HDAC9: variants seen among roughly 807,000 people sequenced by gnomAD.
HDAC9 encodes MEF-2 interacting transcription repressor (MITR) protein.
In HDAC9, 41 loss-of-function variants were observed where a neutral mutation model predicts 139.4. The ratio of observed to expected loss-of-function variants is 0.29; its 90% confidence interval spans 0.23 to 0.38. The LOEUF (loss-of-function observed/expected upper bound fraction) is 0.38. Among genes scored for constraint, HDAC9 ranks in the 10% least tolerant of loss-of-function variants. HDAC9 has a pLI of 1.00. For missense variants in HDAC9, 1,147 were observed against 1,297.0 expected, an observed-to-expected ratio of 0.88 and a Z score of 1.78; for synonymous variants, 517 against 476.2, an observed-to-expected ratio of 1.09 and a Z score of -1.12.
intron 11 of HDAC9, among the ~76,000 whole-genome samples, chr7:18,663,416 A>G (rs1584752064): frequency 3.3e-5 from 5 of 152,016 alleles, no homozygotes; most frequent in African/African-American, 1.2e-4. Context: ...GTAGTGTCAG[A>G]CATCCAGAAG....
At chr7:18,402,884 T>TA (rs1562954902) in intron 1 of HDAC9, among the ~76,000 whole-genome samples, 1 of 152,014 alleles carries the variant, frequency 6.6e-6, no homozygotes, top group African/African-American at 2.4e-5. Flanking sequence ...ATAGCAAATC[T>TA]AAAAAAAATC....
chr7:18,500,838 A>C (rs2188495), intron 2 of HDAC9, among the ~76,000 whole-genome samples: 28,906 of 151,978 alleles, frequency 0.19, 3,497 homozygotes, highest in Non-Finnish European at 0.25. Context: ...CATAAATTTT[A>C]TATTAAAAAA....
intron 25 of HDAC9, among the ~76,000 whole-genome samples, chr7:18,984,913 G>T (rs1226306363): frequency 6.6e-6 from 1 of 152,122 alleles, no homozygotes; most frequent in African/African-American, 2.4e-5. Flanking sequence ...TTGTGTGTGT[G>T]TGTATACATA....
chr7:18,670,924 C>T (rs544680616), intron 12 of HDAC9, among the ~76,000 whole-genome samples: 1 of 151,308 alleles, frequency 6.6e-6, no homozygotes, highest in African/African-American at 2.4e-5. Context: ...TAATCCTGCA[C>T]ACATTTTATT....
chr7:18,884,541 C>T (rs1010434912), intron 22 of HDAC9, among the ~76,000 whole-genome samples: 2 of 152,052 alleles, frequency 1.3e-5, no homozygotes, highest in Non-Finnish European at 2.9e-5. Context: ...TAAAAAAAAT[C>T]AACTCAAAAT....
rs1017509133 is a variant in HDAC9, at chr7:18,312,480, C to T, written c.-42+21965C>T. ...TGGAAGTGCCTTGTGCCTCCTTTTT[C>T]ACTGCTACATAGTAGTTCATTGTGT... On this transcript the variant is annotated intron_variant, in intron 1 of 3. Coordinates refer to the HDAC9 transcript ENST00000413509. Among the ~76,000 whole-genome samples, 5 of 152,118 alleles carry T rather than the reference C, an allele frequency of 3.3e-5. No individual in the cohort carries two copies. In the East Asian group the frequency reaches 9.6e-4, roughly 29 times the overall value.
intron 21 of HDAC9, among the ~76,000 whole-genome samples, chr7:18,859,333 C>A (rs955013066): frequency 1.3e-5 from 2 of 152,050 alleles, no homozygotes; most frequent in Non-Finnish European, 2.9e-5. Flanking sequence ...ATCCTACTCT[C>A]CTGTTATTTT....
chr7:18,658,280 A>G (rs1032290238), intron 11 of HDAC9, among the ~76,000 whole-genome samples: 2 of 152,154 alleles, frequency 1.3e-5, no homozygotes, highest in African/African-American at 4.8e-5. Context: ...AACGCTCAAT[A>G]AAAAATTATT....
intron 1 of HDAC9, among the ~76,000 whole-genome samples, chr7:18,361,407 T>C (rs1783767128): frequency 6.6e-6 from 1 of 152,182 alleles, no homozygotes; most frequent in Non-Finnish European, 1.5e-5. Flanking sequence ...AAACATCTAA[T>C]CTATTGCATG....
intron 1 of HDAC9, among the ~76,000 whole-genome samples, chr7:18,313,618 T>C (rs1585127486): frequency 6.6e-6 from 1 of 152,204 alleles, no homozygotes; most frequent in Non-Finnish European, 1.5e-5. Context: ...TTTTAATATA[T>C]GCAAATGCTT....
chr7:18,629,773 C>T lies in HDAC9; in HGVS notation c.796+292C>T, dbSNP rs568905485. Among the ~76,000 whole-genome samples the T allele has an allele frequency of 7.9e-5, 12 of 152,156 alleles. No individual in the cohort carries two copies. In the South Asian group the frequency reaches 1.5e-3, roughly 18 times the overall value. ...GAACAGGCAGTCCATTTTGGGAATG[C>T]CAACCAGGAGAATATAATTTTTAAT... On this transcript the variant is annotated intron_variant, in intron 7 of 25. Coordinates refer to ENST00000686413, the MANE Select transcript of HDAC9 (RefSeq NM_178425.4).
intron 1 of HDAC9, among the ~76,000 whole-genome samples, chr7:18,317,398 G>A (rs570087709): frequency 7.9e-5 from 12 of 152,138 alleles, no homozygotes; most frequent in South Asian, 4.1e-4. Flanking sequence ...TCTTGAGGGC[G>A]TTGCTCTTAA....
At chr7:18,268,050 T>G (rs1796109795) in intron 2 of HDAC9, among the ~76,000 whole-genome samples, 1 of 152,176 alleles carries the variant, frequency 6.6e-6, no homozygotes, top group African/African-American at 2.4e-5. Context: ...TTGGTGCTAC[T>G]CAGTTATTGG....
intron 14 of HDAC9, among the ~76,000 whole-genome samples, chr7:18,753,887 C>G (rs937000778): frequency 1.3e-5 from 2 of 152,036 alleles, no homozygotes; most frequent in Non-Finnish European, 2.9e-5. Flanking sequence ...CTGTCTGACA[C>G]TAGAAGTGTT....
At chr7:18,987,288 T>A (rs2129346178) in intron 25 of HDAC9, among the ~76,000 whole-genome samples, 1 of 152,356 alleles carries the variant, frequency 6.6e-6, no homozygotes, top group Non-Finnish European at 1.5e-5. Context: ...GGTTGTTGAA[T>A]TTTGTCAGAG....
chr7:18,220,098 G>A (rs1199070800), intron 2 of HDAC9, among the ~76,000 whole-genome samples: 2 of 152,176 alleles, frequency 1.3e-5, no homozygotes, highest in African/African-American at 4.8e-5. Flanking sequence ...CTATGGAAAT[G>A]TGTACTATTC....
Position 18,149,662 on chromosome 7 carries a change from C to T in HDAC9, c.-96-12567C>T, listed in dbSNP as rs551221002. ...GCCTCCCGGGTTCACGCCATTCTCC[C>T]GCCTCAGCCTCCCAAGTAGCTGGGA... On this transcript the variant is annotated intron_variant, in intron 1 of 12. Transcript: ENST00000417496. Among the ~76,000 whole-genome samples the T allele has an allele frequency of 1.6e-4, 24 of 152,004 alleles. No homozygotes were observed. The South Asian group carries it at 3.7e-3, about 24-fold the overall frequency.
At chr7:18,273,055 C>CTTTTTTTTTTTTTTTTTTTTTT (rs1491175072) in intron 2 of HDAC9, among the ~76,000 whole-genome samples, 1 of 68,236 alleles carries the variant, frequency 1.5e-5, no homozygotes, top group Non-Finnish European at 2.6e-5. Context: ...TCCCCTTCTT[C>CTTTTTTTTTTTTTTTTTTTTTT]GTTTTTTTTT....
chr7:18,533,302 C>T (rs571061658), intron 2 of HDAC9, among the ~76,000 whole-genome samples: 1 of 152,304 alleles, frequency 6.6e-6, no homozygotes, highest in African/African-American at 2.4e-5. Flanking sequence ...TTAGGCTCCC[C>T]ACTCATCCTT....
Sources: gnomAD v4.1 joint callset for allele counts (sites outside exome capture counted in the v4.1 genomes callset) on GRCh38, gnomAD v4.1.1 for gene constraint, MANE v1.5 for transcripts, NCBI Gene and HGNC (gene_info 2026-07-23, HGNC 2026-07-21) for gene names.